Variants in PTPRD observed in about 807,000 individuals in gnomAD.
PTPRD encodes the protein protein tyrosine phosphatase receptor type D.
A neutral mutation model predicts 214.5 loss-of-function variants in PTPRD; 34 were observed. That is an observed-to-expected ratio of 0.16 (90% CI 0.12 to 0.21). PTPRD has a LOEUF of 0.21. Ranked by LOEUF, PTPRD falls within the 10% of genes least tolerant of loss-of-function variation. The pLI is 1.00. For synonymous variants in PTPRD, 1,128 were observed against 845.7 expected, an observed-to-expected ratio of 1.33 and a Z score of -5.79; for missense variants, 2,545 against 2,398.7, an observed-to-expected ratio of 1.06 and a Z score of -1.27.
chr9:9,406,460 C>T (rs187078081), intron 8 of PTPRD, among the ~76,000 whole-genome samples: 41 of 151,980 alleles, frequency 2.7e-4, no homozygotes, highest in Admixed American at 6.6e-4. Flanking sequence ...AAGAAAAGCA[C>T]CCTCCATCTT....
At chr9:10,130,810 A>G (rs547995238) in intron 3 of PTPRD, among the ~76,000 whole-genome samples, 3 of 152,266 alleles carry the variant, frequency 2.0e-5, no homozygotes, top group African/African-American at 7.2e-5. Context: ...TCAGAGCCAA[A>G]TTGTACTTTA....
intron 11 of PTPRD, among the ~76,000 whole-genome samples, chr9:8,970,912 A>AC (rs370241925): frequency 1.8e-4 from 1 of 5,518 alleles, no homozygotes; most frequent in Non-Finnish European, 6.6e-4. Context: ...AAACAAAACA[A>AC]AACAAAACAA....
intron 9 of PTPRD, among the ~76,000 whole-genome samples, chr9:9,341,212 G>A (rs1569567521): frequency 6.6e-6 from 1 of 151,886 alleles, no homozygotes; most frequent in Non-Finnish European, 1.5e-5. Flanking sequence ...TGTTTTTCCT[G>A]GCCCCACCAG....
chr9:8,702,748 C>T (rs1028554667), intron 12 of PTPRD, among the ~76,000 whole-genome samples: 2 of 152,052 alleles, frequency 1.3e-5, no homozygotes, highest in East Asian at 1.9e-4. Context: ...GCTGGGATTA[C>T]AGGCGCCCGC....
At chr9:9,399,142 C>G (rs551029800) in intron 8 of PTPRD, among the ~76,000 whole-genome samples, 2 of 152,104 alleles carry the variant, frequency 1.3e-5, no homozygotes, top group South Asian at 2.1e-4. Flanking sequence ...ACTTTTCTTA[C>G]TGTTTCATGC....
intron 11 of PTPRD, among the ~76,000 whole-genome samples, chr9:8,910,050 T>C (rs1440286720): frequency 6.6e-6 from 1 of 151,912 alleles, no homozygotes. Flanking sequence ...ATTTATTTAT[T>C]TATTTTGAGA....
chr9:8,339,076 T>G (rs1277833952), intron 42 of PTPRD, 29 bp from the exon 43 acceptor site: 1 of 1,598,772 alleles, frequency 6.3e-7, no homozygotes, highest in Admixed American at 1.7e-5. Context: ...AATGTTAAAC[T>G]ATGCAAAGTA....
At chr9:10,334,425 A>AC (rs138414843) in intron 3 of PTPRD, among the ~76,000 whole-genome samples, 2,362 of 146,804 alleles carry the variant, frequency 0.016, 46 homozygotes, top group African/African-American at 0.056. Context: ...TATCTATCCC[A>AC]CCCCCCACCA....
chr9:8,934,342 C>A (rs747488371), intron 11 of PTPRD, among the ~76,000 whole-genome samples: 22 of 144,156 alleles, frequency 1.5e-4, no homozygotes, highest in Non-Finnish European at 9.0e-5. Context: ...GTAGCTGGTA[C>A]CTACATTCCC....
chr9:8,577,728 A>G (rs72696678), intron 14 of PTPRD, among the ~76,000 whole-genome samples: 5,511 of 152,274 alleles, frequency 0.036, 115 homozygotes, highest in Non-Finnish European at 0.052. Context: ...ACTCAACTGC[A>G]GTAGCTATAA....
At chr9:10,506,278 C>T (rs533992488) in intron 2 of PTPRD, among the ~76,000 whole-genome samples, 1 of 152,052 alleles carries the variant, frequency 6.6e-6, no homozygotes, top group South Asian at 2.1e-4. Flanking sequence ...GAAGAATTAC[C>T]ATATACCTGT....
chr9:8,884,258 C>G (rs190476489), intron 11 of PTPRD, among the ~76,000 whole-genome samples: 1 of 152,088 alleles, frequency 6.6e-6, no homozygotes, highest in African/African-American at 2.4e-5. Context: ...TTAGGGCAAA[C>G]TGGGAGAAGG....
At chr9:8,440,439 C>T (rs1310935307) in intron 34 of PTPRD, among the ~76,000 whole-genome samples, 2 of 152,170 alleles carry the variant, frequency 1.3e-5, no homozygotes, top group African/African-American at 4.8e-5. Context: ...CCTCAGCCTC[C>T]TGAGCAGCGG....
At chr9:8,407,337 G>T (rs1044995927) in intron 35 of PTPRD, among the ~76,000 whole-genome samples, 1 of 152,134 alleles carries the variant, frequency 6.6e-6, no homozygotes, top group African/African-American at 2.4e-5. Flanking sequence ...TGAGAAAACT[G>T]AAGTAAAGAA....
At chr9:10,170,124 T>G (rs1373325368) in intron 3 of PTPRD, among the ~76,000 whole-genome samples, 1 of 152,174 alleles carries the variant, frequency 6.6e-6, no homozygotes, top group African/African-American at 2.4e-5. Context: ...GTACATCAAA[T>G]ATGCCAATGC....
At chr9:9,970,440 A>AAAG (rs1438548370) in intron 4 of PTPRD, among the ~76,000 whole-genome samples, 13 of 113,022 alleles carry the variant, frequency 1.2e-4, no homozygotes, top group African/African-American at 4.5e-4. Flanking sequence ...AAAAAAAAAA[A>AAAG]AAAGAAAAAG....
intron 3 of PTPRD, among the ~76,000 whole-genome samples, chr9:10,154,957 C>T (rs1358477739): frequency 3.3e-5 from 5 of 151,892 alleles, no homozygotes; most frequent in African/African-American, 1.2e-4. Context: ...TATGAATTTA[C>T]TTTTTGTTTT....
chr9:9,260,767 T>A (rs1361754407), intron 9 of PTPRD, among the ~76,000 whole-genome samples: 1 of 151,852 alleles, frequency 6.6e-6, no homozygotes, highest in Non-Finnish European at 1.5e-5. Context: ...GACGACACTT[T>A]TCATGTACTC....
intron 2 of PTPRD, among the ~76,000 whole-genome samples, chr9:10,463,259 C>A (rs572324043): frequency 6.6e-6 from 1 of 152,080 alleles, no homozygotes; most frequent in Non-Finnish European, 1.5e-5. Flanking sequence ...TTTTAACGAG[C>A]ATTTATTTGA....
Sources: gnomAD v4.1 joint callset for allele counts (sites outside exome capture counted in the v4.1 genomes callset) on GRCh38, gnomAD v4.1.1 for gene constraint, MANE v1.5 for transcripts, NCBI Gene and HGNC (gene_info 2026-07-23, HGNC 2026-07-21) for gene names.